PCTP: variants seen among roughly 807,000 people sequenced by gnomAD.
The protein encoded by PCTP is phosphatidylcholine transfer protein, also known as START domain-containing protein 2.
A neutral mutation model predicts 31.0 loss-of-function variants in PCTP; 27 were observed. The observed-to-expected ratio is 0.87, with a 90% CI of 0.64 to 1.20. The LOEUF (loss-of-function observed/expected upper bound fraction) is 1.20, where lower values mean the gene tolerates loss of function less well. Ranked by LOEUF, PCTP falls within the 50% of genes most tolerant of loss-of-function variation. The pLI, the probability that PCTP is intolerant of heterozygous loss-of-function variation, is 0.00. For synonymous variants in PCTP, 108 were observed against 101.2 expected (o/e 1.07, Z -0.40); for missense variants, 287 against 268.2 (o/e 1.07, Z -0.49).
rs527656993 is a variant in PCTP at position 55,795,423 on chromosome 17, T to C, written c.317+7769T>C. 2.4e-4 allele frequency among the ~76,000 whole-genome samples: 37 copies of C among 151,694 alleles called. No individual in the cohort carries two copies. The South Asian group carries it at 7.3e-3, about 30-fold the overall frequency. On this transcript the variant is annotated intron_variant, in intron 3 of 3. Transcript: ENST00000572536. ...ATTTATGTCTTTGCATAAAGGGGAG[T>C]GGGGGTTGCATGTGTTGCCCAGAGA...
intron 3 of PCTP, among the ~76,000 whole-genome samples, chr17:55,811,052 T>C (rs1336999620): frequency 6.6e-6 from 1 of 152,232 alleles, no homozygotes; most frequent in Admixed American, 6.5e-5. Flanking sequence ...TCTCTCCCTA[T>C]TAATTACTTC....
At chr17:55,820,080 T>C (rs1314958862) in intron 3 of PCTP, among the ~76,000 whole-genome samples, 9 of 152,128 alleles carry the variant, frequency 5.9e-5, no homozygotes, top group Admixed American at 5.9e-4. Flanking sequence ...GAAGAAAACA[T>C]AGGGGCAAAT....
At chr17:55,760,135 C>T (rs982021925) in intron 1 of PCTP, among the ~76,000 whole-genome samples, 4 of 152,158 alleles carry the variant, frequency 2.6e-5, no homozygotes, top group Non-Finnish European at 4.4e-5. Context: ...CCCCTGTCTC[C>T]AGCCTCCATT....
At chr17:55,841,943 C>T (rs983244991) in intron 5 of PCTP, among the ~76,000 whole-genome samples, 2 of 152,090 alleles carry the variant, frequency 1.3e-5, no homozygotes, top group East Asian at 1.9e-4. Context: ...ACCTATCTAG[C>T]TAATTCTCTT....
At chr17:55,841,338 A>G (rs1027309181) in intron 5 of PCTP, among the ~76,000 whole-genome samples, 9 of 152,342 alleles carry the variant, frequency 5.9e-5, no homozygotes, top group African/African-American at 2.2e-4. Context: ...GTGGTTGTGG[A>G]ACTTCCACAG....
chr17:55,818,636 G>T (rs1176153649), intron 3 of PCTP, among the ~76,000 whole-genome samples: 1 of 152,162 alleles, frequency 6.6e-6, no homozygotes, highest in African/African-American at 2.4e-5. Context: ...AAATATTTGT[G>T]GAATTAAATT....
intron 2 of PCTP, among the ~76,000 whole-genome samples, chr17:55,783,778 G>A (rs1911648365): frequency 6.6e-6 from 1 of 152,174 alleles, no homozygotes; most frequent in South Asian, 2.1e-4. Flanking sequence ...TTTGGCTCAT[G>A]TTCCCATTTC....
chr17:55,838,979 C>T (rs1905866714), intron 5 of PCTP, among the ~76,000 whole-genome samples: 1 of 152,158 alleles, frequency 6.6e-6, no homozygotes, highest in African/African-American at 2.4e-5. Context: ...TAGAAGGAAG[C>T]TGAGGCTCAT....
rs1481205963 is a variant in PCTP, at chr17:55,776,462, C to T, written c.*362C>T. 1.5e-5 allele frequency: 19 copies of T among 1,232,182 alleles called. No homozygotes were observed. The highest frequency in any genetic ancestry group is 4.6e-5 in the African/African-American group (3 of 64,524). 76.3% of individuals were successfully genotyped at this position (1,232,182 alleles called of 1,614,324 possible). ...ACGATCATTCCATTGTGCAATTTTA[C>T]GGGGATGGGTGGGCGGAGGGACACA... On this transcript the variant is annotated 3_prime_UTR_variant, in exon 6 of 6. Coordinates refer to ENST00000268896, the MANE Select transcript of PCTP (RefSeq NM_021213.4).
At chr17:55,755,248 G>T (rs560891744) in intron 1 of PCTP, among the ~76,000 whole-genome samples, 4 of 152,286 alleles carry the variant, frequency 2.6e-5, no homozygotes, top group Non-Finnish European at 4.4e-5. Flanking sequence ...CCACTGTGTG[G>T]TACGAGCTGG....
At chr17:55,758,064 C>T (rs890467548) in intron 1 of PCTP, among the ~76,000 whole-genome samples, 1 of 152,206 alleles carries the variant, frequency 6.6e-6, no homozygotes, top group African/African-American at 2.4e-5. Flanking sequence ...GCAGGAACTT[C>T]AGGCTTCGTT....
chr17:55,782,221 TC>T, downstream of PCTP, among the ~76,000 whole-genome samples: 1 of 152,130 alleles, frequency 6.6e-6, no homozygotes. Context: ...GATGAGAACC[TC>T]CTATATTGGG....
intron 5 of PCTP, chr17:55,775,560 TCTA>T: frequency 4.3e-6 from 5 of 1,161,486 alleles, no homozygotes; most frequent in Non-Finnish European, 5.4e-6. Flanking sequence ...ATAGATGTCT[TCTA>T]CTGCATAGAG....
chr17:55,820,585 C>G (rs1442538386), intron 3 of PCTP, among the ~76,000 whole-genome samples: 1 of 152,162 alleles, frequency 6.6e-6, no homozygotes, highest in African/African-American at 2.4e-5. Flanking sequence ...CATCTTAATA[C>G]TATCACATTG....
At chr17:55,787,248 A>C (rs35231100) in intron 2 of PCTP, among the ~76,000 whole-genome samples, 31,842 of 151,022 alleles carry the variant, frequency 0.21, 3,925 homozygotes, top group African/African-American at 0.35. Context: ...CAAAATGTGA[A>C]AACTCTTATG....
the PCTP span, among the ~76,000 whole-genome samples, chr17:55,848,362 A>G: frequency 2.0e-5 from 3 of 152,192 alleles, no homozygotes; most frequent in African/African-American, 7.2e-5. Flanking sequence ...AGTACCTCAT[A>G]GGTGAGAAGT....
At chr17:55,839,926 A>AAAAAAAAAAAAC (rs1905913277) in intron 5 of PCTP, among the ~76,000 whole-genome samples, 1 of 148,604 alleles carries the variant, frequency 6.7e-6, no homozygotes, top group African/African-American at 2.5e-5. Flanking sequence ...TCTCAAAAAA[A>AAAAAAAAAAAAC]AAAAAAAAAA....
chr17:55,838,835 G>T (rs1044109793), intron 5 of PCTP, among the ~76,000 whole-genome samples: 3 of 152,158 alleles, frequency 2.0e-5, no homozygotes, highest in Non-Finnish European at 4.4e-5. Flanking sequence ...GCTCATAAAT[G>T]AGCTATTTAA....
intron 3 of PCTP, 163 bp from the exon 4 acceptor site, chr17:55,773,561 A>G (rs1911126598): frequency 6.6e-6 from 4 of 605,164 alleles, no homozygotes; most frequent in South Asian, 2.1e-5. Flanking sequence ...ACAGTCTTGC[A>G]GTGCAGGTAT....
Sources: gnomAD v4.1 joint callset for allele counts (sites outside exome capture counted in the v4.1 genomes callset) on GRCh38, gnomAD v4.1.1 for gene constraint, MANE v1.5 for transcripts, NCBI Gene and HGNC (gene_info 2026-07-23, HGNC 2026-07-21) for gene names.